Variants in KIF13B observed in about 807,000 individuals in gnomAD.
KIF13B encodes the protein kinesin family member 13B, also known as kinesin-like protein KIF13B.
Under a neutral mutation model 222.0 loss-of-function variants are expected in KIF13B, and 127 were observed. The observed-to-expected ratio is 0.57, with a 90% CI of 0.50 to 0.66. The LOEUF (loss-of-function observed/expected upper bound fraction) is 0.66. KIF13B is among the 30% of genes least tolerant of loss of function. The pLI is 0.00. For synonymous variants in KIF13B, 976 were observed against 919.0 expected (o/e 1.06, Z -1.12); for missense variants, 2,173 against 2,379.0 (o/e 0.91, Z 1.80).
intron 2 of KIF13B, among the ~76,000 whole-genome samples, chr8:29,205,750 G>A (rs2130443007): frequency 6.6e-6 from 1 of 152,194 alleles, no homozygotes; most frequent in Middle Eastern, 3.4e-3. Context: ...CCAGTGGTAG[G>A]TCTAGAGTTT....
rs572820771 is a variant in KIF13B at position 29,217,378 on chromosome 8, C to T, written c.150-21179G>A. 1.8e-4 allele frequency among the ~76,000 whole-genome samples: 28 copies of T among 152,346 alleles called. No individual in the cohort carries two copies. In the South Asian group the frequency reaches 5.6e-3, roughly 30 times the overall value. The stretch of plus-strand genomic sequence containing the variant: ...GGAACTGAATTGCCTGGTTGTGAAT[C>T]CCAGCCCCACCACTTACTATGTGAC... On this transcript the variant is annotated intron_variant, in intron 2 of 39. Coordinates refer to ENST00000524189, the MANE Select transcript of KIF13B (RefSeq NM_015254.4).
chr8:29,159,363 T>C (rs1811671410), intron 13 of KIF13B, among the ~76,000 whole-genome samples: 1 of 152,202 alleles, frequency 6.6e-6, no homozygotes, highest in African/African-American at 2.4e-5. Context: ...TTGGCCAGGC[T>C]GGTCTTGAAC....
intron 2 of KIF13B, among the ~76,000 whole-genome samples, chr8:29,207,612 C>T (rs1184694207): frequency 6.6e-6 from 1 of 151,764 alleles, no homozygotes; most frequent in African/African-American, 2.4e-5. Flanking sequence ...AAAGTTTCAA[C>T]AGACTCATTA....
At chr8:29,193,364 T>C (rs1312280601) in intron 3 of KIF13B, among the ~76,000 whole-genome samples, 1 of 150,644 alleles carries the variant, frequency 6.6e-6, no homozygotes, top group Non-Finnish European at 1.5e-5. Context: ...CCCAAAGGAC[T>C]GGGCATCAAA....
In KIF13B at chr8:29,125,607, T is replaced by C. The variant is rs539066278; in HGVS notation, c.3252+875A>G. On this transcript the variant is annotated intron_variant, in intron 26 of 39. Coordinates refer to ENST00000524189, the MANE Select transcript of KIF13B (RefSeq NM_015254.4). ...AGCAGACATTTCTATCAAATTAGAA[T>C]GATGCAAAACCAGGAAAGTGACTAC... Among the ~76,000 whole-genome samples the C allele has an allele frequency of 8.4e-4, 128 of 152,286 alleles. 1 individual carries two copies. The highest frequency in any genetic ancestry group is 2.8e-3 in the African/African-American group (117 of 41,560).
intron 37 of KIF13B, among the ~76,000 whole-genome samples, chr8:29,084,057 G>A (rs1807931202): frequency 6.6e-6 from 1 of 152,074 alleles, no homozygotes. Context: ...TGGGATTACA[G>A]GCGCCCACCA....
At chr8:29,221,867 T>A (rs928822975) in intron 2 of KIF13B, among the ~76,000 whole-genome samples, 1 of 152,220 alleles carries the variant, frequency 6.6e-6, no homozygotes, top group African/African-American at 2.4e-5. Context: ...GGGTATTTCA[T>A]AATATTTTTA....
At chr8:29,243,663 AAAAAGAAAG>A (rs1304327312) in intron 2 of KIF13B, among the ~76,000 whole-genome samples, 3 of 152,074 alleles carry the variant, frequency 2.0e-5, no homozygotes, top group Non-Finnish European at 4.4e-5. Context: ...CTCAAAAAAA[AAAAAGAAAG>A]AAAAGAAAAA....
In KIF13B at chr8:29,146,458, T is replaced by C. The variant is rs994825623; in HGVS notation, c.2107A>G (p.Ile703Val). 19 of 1,613,660 alleles carry C rather than the reference T, an allele frequency of 1.2e-5. No homozygotes were observed. The highest frequency in any genetic ancestry group is 5.0e-5 in the Admixed American group (3 of 59,986). Reference protein sequence around the residue: ...ANLLVREANYIAEELDKRTEY... With the variant: ...ANLLVREANYVAEELDKRTEY... Reference sequence around the variant, plus strand: ...GTTCTTTTATCCAGCTCCTCAGCAATGTAATTAGCTTCTCTCACCAATAGA... The same window carrying C: ...GTTCTTTTATCCAGCTCCTCAGCAACGTAATTAGCTTCTCTCACCAATAGA... Residue 703 changes from isoleucine (I) to valine (V), a missense_variant, in exon 18 of 40, where the codon ATT becomes GTT. By Grantham distance (29) the Ile-to-Val change is conservative. Around this residue, in one of 2 missense-constraint regions of KIF13B, gnomAD observed 1,480 missense variants for 1,722.8 expected, o/e 0.86. Coordinates refer to ENST00000524189, the MANE Select transcript of KIF13B (RefSeq NM_015254.4).
In KIF13B at chr8:29,190,179, C is replaced by T. The variant is rs577657667; in HGVS notation, c.223+818G>A. The T allele has an allele frequency of 2.6e-5, 4 of 152,316 alleles. No individual in the cohort carries two copies. In the South Asian group the frequency reaches 8.3e-4, roughly 32 times the overall value. The allele number at this position is 152,316 out of a possible 1,614,324, so 9.4% of individuals were successfully genotyped here. On this transcript the variant is annotated intron_variant, in intron 4 of 39. Coordinates refer to ENST00000524189, the MANE Select transcript of KIF13B (RefSeq NM_015254.4). ...CTCTCATCTGATTGTGGGTCAAGAG[C>T]TTCTCATTCCACAAGGTCTTGCCTC...
At chr8:29,078,850 C>T (rs898530014) in intron 37 of KIF13B, among the ~76,000 whole-genome samples, 7 of 152,194 alleles carry the variant, frequency 4.6e-5, no homozygotes, top group African/African-American at 1.7e-4. Flanking sequence ...ATCACCCTGT[C>T]TACTGAGCGT....
At chr8:29,254,587 C>A (rs946237639) in intron 1 of KIF13B, among the ~76,000 whole-genome samples, 3 of 152,176 alleles carry the variant, frequency 2.0e-5, no homozygotes, top group African/African-American at 4.8e-5. Flanking sequence ...AAAGGCAAAT[C>A]TAAACCACAA....
intron 37 of KIF13B, among the ~76,000 whole-genome samples, chr8:29,081,087 G>A (rs924435637): frequency 3.9e-5 from 6 of 152,278 alleles, no homozygotes; most frequent in East Asian, 3.9e-4. Context: ...GTATTTCTGC[G>A]GCTCGATCCG....
At chr8:29,205,169 C>T (rs1813872709) in intron 2 of KIF13B, among the ~76,000 whole-genome samples, 2 of 149,386 alleles carry the variant, frequency 1.3e-5, no homozygotes, top group African/African-American at 4.9e-5. Context: ...GCCTGGGTGA[C>T]AGAGCAAGAC....
chr8:29,251,100 G>A (rs55875108), intron 1 of KIF13B, among the ~76,000 whole-genome samples: 4 of 151,456 alleles, frequency 2.6e-5, no homozygotes, highest in Non-Finnish European at 5.9e-5. Context: ...GCAGTGAGCC[G>A]AGATCACACC....
upstream of KIF13B, chr8:29,263,264 C>T (rs1587005115): frequency 7.5e-6 from 4 of 535,072 alleles, no homozygotes; most frequent in Non-Finnish European, 1.3e-5. Flanking sequence ...TGCTCGGGCG[C>T]GAGTCGTTTG....
chr8:29,248,005 C>T (rs1387773064), intron 1 of KIF13B, among the ~76,000 whole-genome samples: 2 of 152,116 alleles, frequency 1.3e-5, no homozygotes, highest in Admixed American at 6.6e-5. Flanking sequence ...AATACCATCT[C>T]GCATCCACTG....
chr8:29,150,791 TA>T (rs1461136185), intron 14 of KIF13B, among the ~76,000 whole-genome samples: 4 of 152,182 alleles, frequency 2.6e-5, no homozygotes, highest in Non-Finnish European at 5.9e-5. Flanking sequence ...TGTAAAATGG[TA>T]AATTTAGTAA....
chr8:29,250,225 A>G (rs1816221476), intron 1 of KIF13B: 1 of 358,984 alleles, frequency 2.8e-6, no homozygotes, highest in African/African-American at 2.1e-5. Flanking sequence ...TACAGAATAC[A>G]TCTAGAACGC....
Sources: gnomAD v4.1 joint callset for allele counts (sites outside exome capture counted in the v4.1 genomes callset) on GRCh38, gnomAD v4.1.1 for gene constraint, gnomAD v4.1.1 regional missense constraint, MANE v1.5 for transcripts, NCBI Gene and HGNC (gene_info 2026-07-23, HGNC 2026-07-21) for gene names.